Variants in RPS29 observed in about 807,000 individuals in gnomAD.
The protein encoded by RPS29 is ribosomal protein S29, also known as small ribosomal subunit protein uS14.
For missense variants in RPS29, 60 were observed against 75.7 expected, an observed-to-expected ratio of 0.79 and a Z score of 0.77; for synonymous variants, 37 against 26.9, an observed-to-expected ratio of 1.37 and a Z score of -1.16.
At chr14:49,593,128 T>G (rs993168765) in intron 1 of RPS29, among the ~76,000 whole-genome samples, 5 of 152,226 alleles carry the variant, frequency 3.3e-5, no homozygotes, top group African/African-American at 4.8e-5. Context: ...GCCGTATTAA[T>G]TGCATGTAAG....
downstream of RPS29, among the ~76,000 whole-genome samples, chr14:49,579,582 G>T (rs1881279564): frequency 1.3e-5 from 2 of 152,250 alleles, no homozygotes; most frequent in South Asian, 4.1e-4. Context: ...ATGTTCCAAT[G>T]GTTGTTTGGG....
chr14:49,581,700 C>T (rs1317089825), downstream of RPS29, among the ~76,000 whole-genome samples: 1 of 152,080 alleles, frequency 6.6e-6, no homozygotes, highest in Non-Finnish European at 1.5e-5. Context: ...TTATCTACTC[C>T]TATCTCCTGT....
In RPS29 at chr14:49,583,991, AT is replaced by A. The variant is rs942896590; in HGVS notation, c.163-317del. On this transcript the variant is annotated intron_variant, in intron 2 of 2. Transcript: ENST00000245458. ...GGCAACTATAATTACACAGTTCATC[AT>A]TTTTTTTTTGAGAGAGAGTCTCGCT... 6.7e-5 allele frequency among the ~76,000 whole-genome samples: 10 copies of A among 149,866 alleles called. No homozygotes were observed. The East Asian group carries it at 7.8e-4, about 12-fold the overall frequency.
exon 3 of RPS29, chr14:49,572,864 T>C (rs1007117070): frequency 5.3e-5 from 8 of 152,240 alleles, no homozygotes; most frequent in African/African-American, 1.9e-4. Context: ...AGCCCAGGAA[T>C]TTAAGGCCAA....
At chr14:49,590,209 G>A (rs542117280), upstream of RPS29, among the ~76,000 whole-genome samples, 1 of 152,306 alleles carries the variant, frequency 6.6e-6, no homozygotes, top group African/African-American at 2.4e-5. Context: ...CAGGCATGGT[G>A]GCTCACGCCT....
chr14:49,586,640 C>G (rs1044989732), upstream of RPS29: 3 of 434,462 alleles, frequency 6.9e-6, no homozygotes, highest in African/African-American at 6.0e-5. Flanking sequence ...GCTGGAGGAT[C>G]GCTTGAGTCC....
chr14:49,577,792 C>T lies in RPS29; in HGVS notation c.*20G>A, dbSNP rs1881226524. The T allele has an allele frequency of 3.1e-6, 5 of 1,600,164 alleles. No homozygotes were observed. The African/African-American group carries it at 6.7e-5, about 21-fold the overall frequency. On this transcript the variant is annotated 3_prime_UTR_variant, in exon 3 of 3. Coordinates refer to the RPS29 transcript ENST00000396020. ...GCTTCGCGAGCGGTCTCAGGATGGC[C>T]ATGATGGAGGAGATGGGTGTCACCT...
chr14:49,581,125 T>G (rs370540808), downstream of RPS29, among the ~76,000 whole-genome samples: 7 of 151,538 alleles, frequency 4.6e-5, no homozygotes, highest in East Asian at 1.4e-3. Context: ...AGGCGGAGGT[T>G]GCAGTGAGCC....
At position 49,583,602 on chromosome 14, in the gene RPS29, T is replaced by C. The variant is rs1257145889; in HGVS notation, c.*65A>G. 6.4e-7 allele frequency: 1 copy of C among 1,554,558 alleles called. No individual in the cohort carries two copies. Among genetic ancestry groups the C allele is most frequent in the South Asian group, 1.2e-5 (1 of 83,420 alleles). On this transcript the variant is annotated 3_prime_UTR_variant, in exon 3 of 3. Coordinates refer to ENST00000245458, the MANE Select transcript of RPS29 (RefSeq NM_001032.5). ...GGTTTTTTCAAATGTTTATTTTATA[T>C]ACAAAGAATTATCATGGTTTTTCAT...
At chr14:49,579,328 A>C (rs1341649047), downstream of RPS29, among the ~76,000 whole-genome samples, 1 of 152,232 alleles carries the variant, frequency 6.6e-6, no homozygotes, top group East Asian at 1.9e-4. Context: ...TGTGAGAAAT[A>C]AATGTCTGTT....
chr14:49,586,186 C>A (rs1881544884), intron 1 of RPS29, 99 bp downstream of exon 1: 1 of 1,402,150 alleles, frequency 7.1e-7, no homozygotes, highest in Non-Finnish European at 1.0e-6. Context: ...TCCCAGTCGG[C>A]GTGCTCCCTC....
exon 3 of RPS29, chr14:49,576,225 A>G (rs1178011824): frequency 1.3e-5 from 2 of 151,896 alleles, no homozygotes; most frequent in Non-Finnish European, 2.9e-5. Flanking sequence ...CTGGGACTAC[A>G]GACATGCACC....
downstream of RPS29, among the ~76,000 whole-genome samples, chr14:49,582,002 C>T (rs1881349519): frequency 8.5e-6 from 1 of 117,468 alleles, no homozygotes; most frequent in African/African-American, 4.0e-5. Flanking sequence ...TAGAGCAAGA[C>T]CCTGCCCCCC....
At chr14:49,586,627 G>GA (rs1216996089), upstream of RPS29, 2 of 463,452 alleles carry the variant, frequency 4.3e-6, no homozygotes, top group African/African-American at 2.0e-5. Flanking sequence ...TCGGGAGGCT[G>GA]AGGCTGGAGG....
chr14:49,571,508 A>G (rs775532004), exon 3 of RPS29: 18 of 152,168 alleles, frequency 1.2e-4, no homozygotes, highest in Admixed American at 3.9e-4. Context: ...AGATGAGATG[A>G]CCCAAGATGG....
chr14:49,583,753 A>G, intron 2 of RPS29, 78 bp from the exon 3 acceptor site: 1 of 854,324 alleles, frequency 1.2e-6, no homozygotes, highest in South Asian at 1.5e-5. Flanking sequence ...AAGGCTCATT[A>G]TAGAATGTTA....
At chr14:49,577,701 C>G (rs1881223196) in exon 3 of RPS29, 8 of 867,762 alleles carry the variant, frequency 9.2e-6, no homozygotes, top group African/African-American at 1.7e-5. Context: ...CACCAGTTAC[C>G]CTTAATTTTG....
intron 1 of RPS29, among the ~76,000 whole-genome samples, chr14:49,591,766 G>C (rs113505290): frequency 0.47 from 70,506 of 151,130 alleles, 17,451 homozygotes; most frequent in Middle Eastern, 0.57. Flanking sequence ...GATTACAGGC[G>C]CCCACCACCA....
downstream of RPS29, chr14:49,583,497 TCA>T (rs371702162): frequency 1.8e-3 from 1,168 of 640,000 alleles, 6 homozygotes; most frequent in African/African-American, 9.4e-3. Flanking sequence ...AGAGGGGGAC[TCA>T]GTCTCAAAAA....
Sources: gnomAD v4.1 joint callset for allele counts (sites outside exome capture counted in the v4.1 genomes callset) on GRCh38, gnomAD v4.1.1 for gene constraint, MANE v1.5 for transcripts, NCBI Gene and HGNC (gene_info 2026-07-23, HGNC 2026-07-21) for gene names.